The following RIT2 variants were observed in gnomAD, a reference collection of about 807,000 sequenced individuals.
The protein encoded by RIT2 is GTP-binding protein Rit2.
In RIT2, 24 loss-of-function variants were observed where a neutral mutation model predicts 23.7. The observed-to-expected ratio is 1.01, with a 90% CI of 0.73 to 1.43. The LOEUF (loss-of-function observed/expected upper bound fraction) is 1.43, where lower values mean the gene tolerates loss of function less well. RIT2 is among the 40% of genes most tolerant of loss of function. The probability of loss-of-function intolerance (pLI) is 0.00; values close to 1 mark genes in which losing one functional copy is unlikely to be tolerated. For missense variants in RIT2, 236 were observed against 266.9 expected (o/e 0.88, Z 0.81); for synonymous variants, 107 against 91.1 (o/e 1.17, Z -0.99).
At chr18:42,860,978 T>A (rs1356589657) in intron 4 of RIT2, among the ~76,000 whole-genome samples, 1 of 152,238 alleles carries the variant, frequency 6.6e-6, no homozygotes, top group Non-Finnish European at 1.5e-5. Flanking sequence ...TGTTTTTGTG[T>A]GTTTCTGTAT....
chr18:42,894,923 CAGG>C (rs1908282531), intron 4 of RIT2, among the ~76,000 whole-genome samples: 1 of 152,170 alleles, frequency 6.6e-6, no homozygotes, highest in Non-Finnish European at 1.5e-5. Flanking sequence ...TTTGCCCCTC[CAGG>C]TAAATATGAT....
At chr18:42,745,247 TC>T (rs1420672167) in intron 4 of RIT2, among the ~76,000 whole-genome samples, 2 of 152,014 alleles carry the variant, frequency 1.3e-5, no homozygotes, top group Non-Finnish European at 2.9e-5. Context: ...TAAATAGACC[TC>T]CCAGCTCACT....
intron 4 of RIT2, among the ~76,000 whole-genome samples, chr18:42,768,807 C>T (rs951755532): frequency 6.6e-6 from 1 of 152,050 alleles, no homozygotes; most frequent in African/African-American, 2.4e-5. Flanking sequence ...TTCTACATAC[C>T]TTTCAATGAT....
chr18:42,960,392 G>A (rs940786485), intron 3 of RIT2, among the ~76,000 whole-genome samples: 3 of 152,124 alleles, frequency 2.0e-5, no homozygotes, highest in Non-Finnish European at 2.9e-5. Context: ...TCAGCTCACC[G>A]CAACCTCTGC....
At chr18:42,972,902 A>G (rs1221200162) in intron 3 of RIT2, among the ~76,000 whole-genome samples, 1 of 151,878 alleles carries the variant, frequency 6.6e-6, no homozygotes, top group Non-Finnish European at 1.5e-5. Context: ...TTTTAATTGA[A>G]TACCAGCAGA....
chr18:43,008,989 GA>G (rs915143996), intron 2 of RIT2, among the ~76,000 whole-genome samples: 1 of 151,400 alleles, frequency 6.6e-6, no homozygotes, highest in Non-Finnish European at 1.5e-5. Flanking sequence ...ATATTCAATT[GA>G]AAACATAAAA....
chr18:43,004,634 T>C (rs985763801), intron 2 of RIT2, among the ~76,000 whole-genome samples: 3 of 151,740 alleles, frequency 2.0e-5, no homozygotes, highest in African/African-American at 7.3e-5. Context: ...TAATCTTTTC[T>C]CTGGAATGAA....
At chr18:42,872,307 C>T (rs1907640117) in intron 4 of RIT2, among the ~76,000 whole-genome samples, 1 of 152,058 alleles carries the variant, frequency 6.6e-6, no homozygotes, top group Non-Finnish European at 1.5e-5. Flanking sequence ...TGATCAAGAC[C>T]TAATTTTTCT....
At chr18:42,747,870 C>T (rs1365127384) in intron 4 of RIT2, among the ~76,000 whole-genome samples, 2 of 151,970 alleles carry the variant, frequency 1.3e-5, no homozygotes, top group Admixed American at 6.6e-5. Context: ...CATGTCTCAC[C>T]TTATACAAAA....
intron 4 of RIT2, among the ~76,000 whole-genome samples, chr18:42,856,424 C>A (rs1441148142): frequency 6.6e-6 from 1 of 152,106 alleles, no homozygotes; most frequent in Non-Finnish European, 1.5e-5. Flanking sequence ...CTTTGTTGAG[C>A]CTACACATAA....
intron 4 of RIT2, among the ~76,000 whole-genome samples, chr18:42,894,950 G>A (rs2144099125): frequency 6.6e-6 from 1 of 152,264 alleles, no homozygotes; most frequent in Non-Finnish European, 1.5e-5. Context: ...CATAAATGCA[G>A]GTGTTCATTT....
intron 3 of RIT2, chr18:42,948,948 C>T (rs566607233): frequency 7.5e-6 from 3 of 397,458 alleles, no homozygotes; most frequent in Non-Finnish European, 8.9e-6. Flanking sequence ...CTCAGAGCAA[C>T]TCTGCTCTTG....
intron 4 of RIT2, among the ~76,000 whole-genome samples, chr18:42,897,848 C>T (rs774148166): frequency 6.6e-6 from 1 of 152,076 alleles, no homozygotes; most frequent in Non-Finnish European, 1.5e-5. Flanking sequence ...AATAATTAGG[C>T]TTAGGGATGG....
In RIT2 at chr18:43,085,903, C is replaced by T. The variant is rs145218370; in HGVS notation, c.103+29514G>A. Among the ~76,000 whole-genome samples, 1,008 of 152,154 alleles carry T rather than the reference C, an allele frequency of 6.6e-3. 13 individuals are homozygous for T. Among genetic ancestry groups the T allele is most frequent in the African/African-American group, 0.023 (951 of 41,494 alleles). On this transcript the variant is annotated intron_variant, in intron 1 of 4. Transcript: ENST00000326695. ...TCTGATGATTTTATAAATAGGAGTTCCCCTGCACAAGCCCTCTTGCCTGCC... is the reference window on the plus strand; with the variant it reads ...TCTGATGATTTTATAAATAGGAGTTTCCCTGCACAAGCCCTCTTGCCTGCC...
intron 3 of RIT2, among the ~76,000 whole-genome samples, chr18:42,973,403 GAGTT>G (rs1284764353): frequency 1.3e-5 from 2 of 151,348 alleles, no homozygotes; most frequent in African/African-American, 4.9e-5. Flanking sequence ...CTTAATATAT[GAGTT>G]TATATTTTTA....
In RIT2 at chr18:43,115,302, T is replaced by G. The variant is rs1008709606; in HGVS notation, c.103+115A>C. On this transcript the variant is annotated intron_variant, in intron 1 of 4. Transcript: ENST00000326695. ...AGCATCCTGCCAGACCCATACTCTGTGTTTAACTGCCACAGTTCACCTCTA... is the reference window on the plus strand; with the variant it reads ...AGCATCCTGCCAGACCCATACTCTGGGTTTAACTGCCACAGTTCACCTCTA... 2.3e-6 allele frequency: 3 copies of G among 1,328,828 alleles called. No individual in the cohort carries two copies. In the African/African-American group the frequency reaches 4.4e-5, roughly 20 times the overall value. The allele number at this position is 1,328,828 out of a possible 1,614,324, so 82.3% of individuals were successfully genotyped here. A position where few individuals can be genotyped will look rare whatever the true frequency, so the allele number is the denominator to read the frequency against.
Position 42,975,987 on chromosome 18 carries a change from C to A in RIT2, c.161-1840G>T, listed in dbSNP as rs76835054. On this transcript the variant is annotated intron_variant, in intron 2 of 4. Coordinates refer to ENST00000326695, the MANE Select transcript of RIT2 (RefSeq NM_002930.4). ...AGAATGCTGTGTTTTCATTTTCATG[C>A]ATGTGTGACTATTTTCTAATTTCCC... Among the ~76,000 whole-genome samples the A allele has an allele frequency of 2.2e-4, 33 of 152,182 alleles. 1 individual carries two copies. The East Asian group carries it at 5.0e-3, about 23-fold the overall frequency.
chr18:42,859,696 A>G (rs1907276274), intron 4 of RIT2, among the ~76,000 whole-genome samples: 2 of 152,114 alleles, frequency 1.3e-5, no homozygotes, highest in African/African-American at 2.4e-5. Context: ...TACCTTCTAC[A>G]TATGGATTTA....
At chr18:42,760,815 A>G (rs1034864056) in intron 4 of RIT2, among the ~76,000 whole-genome samples, 4 of 152,214 alleles carry the variant, frequency 2.6e-5, no homozygotes, top group South Asian at 2.1e-4. Flanking sequence ...CATTTAACGC[A>G]TGGCTGGTCT....
Sources: allele counts gnomAD v4.1 joint callset (sites outside exome capture counted in the v4.1 genomes callset), GRCh38; gene constraint gnomAD v4.1.1; transcripts MANE v1.5; gene names NCBI Gene and HGNC (gene_info 2026-07-23, HGNC 2026-07-21).